Variants in UBE3C observed in about 807,000 individuals in gnomAD.
UBE3C encodes the protein ubiquitin protein ligase E3C.
Under a neutral mutation model 129.4 loss-of-function variants are expected in UBE3C, and 42 were observed. The observed-to-expected ratio is 0.32, with a 90% CI of 0.25 to 0.42. The LOEUF (loss-of-function observed/expected upper bound fraction) is 0.42, where lower values mean the gene tolerates loss of function less well. Ranked by LOEUF, UBE3C falls within the 10% of genes least tolerant of loss-of-function variation. The probability of loss-of-function intolerance (pLI) is 1.00; values close to 1 mark genes in which losing one functional copy is unlikely to be tolerated. For synonymous variants in UBE3C, 510 were observed against 492.4 expected (o/e 1.04, Z -0.47); for missense variants, 1,049 against 1,319.1 (o/e 0.80, Z 3.17).
chr7:157,224,503 T>C (rs1008062037), intron 16 of UBE3C, among the ~76,000 whole-genome samples: 5 of 152,148 alleles, frequency 3.3e-5, no homozygotes, highest in African/African-American at 1.2e-4. Context: ...CACTTTACTT[T>C]TTATAAAAAA....
intron 4 of UBE3C, among the ~76,000 whole-genome samples, chr7:157,171,243 C>G (rs115384843): frequency 0.029 from 4,367 of 152,140 alleles, 236 homozygotes; most frequent in African/African-American, 0.1. Flanking sequence ...GGTGGTGTCT[C>G]AGCCACCTAA....
chr7:157,235,155 A>G (rs1341462679), intron 18 of UBE3C, among the ~76,000 whole-genome samples: 1 of 152,104 alleles, frequency 6.6e-6, no homozygotes, highest in Non-Finnish European at 1.5e-5. Flanking sequence ...TTACCATTGC[A>G]CTCCAGCCTG....
rs1796743919 is a variant in UBE3C, at chr7:157,256,070, T to C, written c.2951-844T>C. 1.3e-5 allele frequency among the ~76,000 whole-genome samples: 2 copies of C among 152,186 alleles called. 1 individual carries two copies. Among genetic ancestry groups the C allele is most frequent in the South Asian group, 4.1e-4 (2 of 4,824 alleles). On this transcript the variant is annotated intron_variant, in intron 21 of 22. Coordinates refer to ENST00000348165, the MANE Select transcript of UBE3C (RefSeq NM_014671.3). Reference sequence around the variant, plus strand: ...GCAGCACGGTTCTTCAAAATAAGGCTCCTCTGCAGTAGTTCTTGGTGCCTG... The same window carrying C: ...GCAGCACGGTTCTTCAAAATAAGGCCCCTCTGCAGTAGTTCTTGGTGCCTG...
At chr7:157,206,243 A>G (rs1262359282) in intron 11 of UBE3C, among the ~76,000 whole-genome samples, 5 of 152,164 alleles carry the variant, frequency 3.3e-5, no homozygotes, top group African/African-American at 1.2e-4. Flanking sequence ...AGTCAATTTA[A>G]TATATCGTAG....
At chr7:157,228,606 G>T (rs530135215) in intron 17 of UBE3C, among the ~76,000 whole-genome samples, 1 of 152,354 alleles carries the variant, frequency 6.6e-6, no homozygotes, top group East Asian at 1.9e-4. Flanking sequence ...AGGAAAGCAA[G>T]CTGGAGCCAA....
At chr7:157,263,729 G>A (rs540147381) in intron 22 of UBE3C, among the ~76,000 whole-genome samples, 46 of 146,942 alleles carry the variant, frequency 3.1e-4, no homozygotes, top group Admixed American at 1.0e-3. Context: ...TGTTGGCACC[G>A]AAAGCACTTT....
At chr7:157,227,293 T>C (rs1482516672) in intron 17 of UBE3C, among the ~76,000 whole-genome samples, 1 of 151,982 alleles carries the variant, frequency 6.6e-6, no homozygotes, top group Non-Finnish European at 1.5e-5. Context: ...TGAGGGGAGC[T>C]CCGAGGGCAC....
At chr7:157,242,802 A>G (rs532055046) in intron 18 of UBE3C, among the ~76,000 whole-genome samples, 3 of 152,254 alleles carry the variant, frequency 2.0e-5, no homozygotes, top group East Asian at 1.9e-4. Flanking sequence ...CAAGCCTGTA[A>G]TCCCAGCACT....
chr7:157,184,461 C>A (rs1808754586), intron 9 of UBE3C, among the ~76,000 whole-genome samples: 1 of 152,140 alleles, frequency 6.6e-6, no homozygotes, highest in African/African-American at 2.4e-5. Flanking sequence ...TATCTCTTTT[C>A]TTCCTTACTA....
At position 157,178,805 on chromosome 7, in the gene UBE3C, G is replaced by T. The variant is rs368554407; in HGVS notation, c.574G>T (p.Val192Leu). 1.5e-4 allele frequency: 241 copies of T among 1,614,088 alleles called. No homozygotes were observed. Among genetic ancestry groups the T allele is most frequent in the Non-Finnish European group, 1.9e-4 (230 of 1,180,038 alleles). ...LPVLQDASYV[V>L]SVIEQILHYM... ...TGTTTTACAAGATGCTAGCTATGTGGTGTCAGTGATTGAACAAATTTTGCA... is the reference window on the plus strand; with the variant it reads ...TGTTTTACAAGATGCTAGCTATGTGTTGTCAGTGATTGAACAAATTTTGCA... Residue 192 changes from valine (V) to leucine (L), a missense_variant, in exon 6 of 23, where the codon GTG becomes TTG. Around this residue, in one of 4 missense-constraint regions of UBE3C, gnomAD observed 489 missense variants for 513.8 expected, o/e 0.95. Transcript: ENST00000348165.
rs564948231 is a variant in UBE3C at position 157,253,292 on chromosome 7, C to A, written c.2695-662C>A. Among the ~76,000 whole-genome samples the A allele has an allele frequency of 3.9e-5, 6 of 152,316 alleles. No individual in the cohort carries two copies. In the South Asian group the frequency reaches 1.2e-3, roughly 32 times the overall value. ...GACAGTAAGACCCAGGTCTGTGTTT[C>A]CGCTGTGTTGCTTTTCTCATGAGCA... On this transcript the variant is annotated intron_variant, in intron 19 of 22. Transcript: ENST00000348165.
At chr7:157,143,176 T>G (rs1488152936) in intron 1 of UBE3C, among the ~76,000 whole-genome samples, 2 of 152,154 alleles carry the variant, frequency 1.3e-5, no homozygotes, top group African/African-American at 4.8e-5. Flanking sequence ...CTGAAATTTT[T>G]TTTTAAGTCA....
chr7:157,245,550 C>T (rs1796450275), intron 18 of UBE3C, among the ~76,000 whole-genome samples: 1 of 152,252 alleles, frequency 6.6e-6, no homozygotes, highest in African/African-American at 2.4e-5. Context: ...GAGATGATGA[C>T]TATGTGCCTG....
chr7:157,204,175 C>T (rs1363044202), intron 11 of UBE3C, among the ~76,000 whole-genome samples: 1 of 152,118 alleles, frequency 6.6e-6, no homozygotes, highest in African/African-American at 2.4e-5. Flanking sequence ...GTAAATGTCT[C>T]ATATTTCCTA....
intron 2 of UBE3C, among the ~76,000 whole-genome samples, chr7:157,166,910 T>TG (rs1808231050): frequency 7.6e-6 from 1 of 131,974 alleles, no homozygotes; most frequent in Non-Finnish European, 1.5e-5. Flanking sequence ...CGCTTTTTCC[T>TG]GTTGGTGGTG....
chr7:157,225,605 TG>T, intron 17 of UBE3C, 66 bp downstream of exon 17: 1 of 1,472,138 alleles, frequency 6.8e-7, no homozygotes, highest in South Asian at 1.5e-5. Context: ...TAGAAAATGG[TG>T]GTTCTTTAAA....
chr7:157,151,855 G>A (rs1807764778), intron 1 of UBE3C, among the ~76,000 whole-genome samples: 1 of 152,146 alleles, frequency 6.6e-6, no homozygotes, highest in South Asian at 2.1e-4. Flanking sequence ...ACAGGGAGGA[G>A]AGGTGAGTGA....
intron 14 of UBE3C, among the ~76,000 whole-genome samples, chr7:157,219,447 C>T (rs936229238): frequency 3.3e-5 from 5 of 152,120 alleles, no homozygotes; most frequent in African/African-American, 7.2e-5. Flanking sequence ...GAAACGTTCT[C>T]GCCAGAAAGT....
At chr7:157,244,006 T>A (rs1584816411) in intron 18 of UBE3C, among the ~76,000 whole-genome samples, 1 of 151,880 alleles carries the variant, frequency 6.6e-6, no homozygotes, top group Non-Finnish European at 1.5e-5. Flanking sequence ...CCGAGGCGGG[T>A]GATCACCTGA....
Sources: gnomAD v4.1 joint callset for allele counts (sites outside exome capture counted in the v4.1 genomes callset) on GRCh38, gnomAD v4.1.1 for gene constraint, gnomAD v4.1.1 regional missense constraint, MANE v1.5 for transcripts, NCBI Gene and HGNC (gene_info 2026-07-23, HGNC 2026-07-21) for gene names.